Variants in COXFA4 observed in about 807,000 individuals in gnomAD.
COXFA4 encodes cytochrome c oxidase associated subunit FA4, also known as cytochrome c oxidase subunit FA4.
chr7:10,938,783 G>A, the COXFA4 span: 21 of 1,584,656 alleles, frequency 1.3e-5, no homozygotes, highest in African/African-American at 2.7e-5. Context: ...AGCTATCAAA[G>A]TTTTAAACAT....
At chr7:10,940,119 T>A in the COXFA4 span, 1 of 1,538,874 alleles carries the variant, frequency 6.5e-7, no homozygotes, top group Non-Finnish European at 9.0e-7. Context: ...GGCCCTAAGC[T>A]AAAAATTATC....
chr7:10,937,455 G>T, the COXFA4 span, among the ~76,000 whole-genome samples: 5 of 151,954 alleles, frequency 3.3e-5, no homozygotes, highest in African/African-American at 1.2e-4. Flanking sequence ...GCTAATTTTT[G>T]TATTTTTAGT....
the COXFA4 span, chr7:10,940,102 G>T: frequency 1.1e-5 from 17 of 1,593,550 alleles, no homozygotes; most frequent in Non-Finnish European, 1.4e-5. Context: ...AACCGACCTA[G>T]CCACCAGGCC....
At chr7:10,938,523 T>C in the COXFA4 span, 1 of 430,304 alleles carries the variant, frequency 2.3e-6, no homozygotes, top group Non-Finnish European at 4.2e-6. Flanking sequence ...CCGAGAACCA[T>C]GATTATTTTA....
At chr7:10,936,828 G>C in the COXFA4 span, among the ~76,000 whole-genome samples, 1 of 152,100 alleles carries the variant, frequency 6.6e-6, no homozygotes, top group East Asian at 1.9e-4. Context: ...TTGAAGCCAG[G>C]GGTTCAAGAC....
At chr7:10,933,720 G>A in the COXFA4 span, 1 of 1,562,602 alleles carries the variant, frequency 6.4e-7, no homozygotes, top group Non-Finnish European at 8.8e-7. Flanking sequence ...GATATTTTAA[G>A]TAATCTCAAA....
At chr7:10,938,791 C>G in the COXFA4 span, 3 of 1,603,064 alleles carry the variant, frequency 1.9e-6, no homozygotes, top group South Asian at 3.3e-5. Context: ...AAGTTTTAAA[C>G]ATTTTTAAGT....
At chr7:10,935,741 T>C in the COXFA4 span, among the ~76,000 whole-genome samples, 2 of 152,218 alleles carry the variant, frequency 1.3e-5, no homozygotes, top group East Asian at 1.9e-4. Flanking sequence ...GCCTCCGGAC[T>C]GAGGAATAAA....
chr7:10,939,974 G>C, the COXFA4 span: 1 of 1,610,716 alleles, frequency 6.2e-7, no homozygotes, highest in Non-Finnish European at 8.5e-7. Flanking sequence ...CCCGACGCAA[G>C]AAGGACAAGG....
chr7:10,939,397 C>T, the COXFA4 span: 2 of 180,482 alleles, frequency 1.1e-5, no homozygotes, highest in Admixed American at 5.4e-5. Flanking sequence ...GCTACCAATG[C>T]TTGCTGCGTA....
chr7:10,934,165 G>C, the COXFA4 span, among the ~76,000 whole-genome samples: 4 of 151,958 alleles, frequency 2.6e-5, no homozygotes, highest in African/African-American at 9.7e-5. Flanking sequence ...AGTAATATAA[G>C]GTACTGCTTT....
the COXFA4 span, chr7:10,939,335 A>G: frequency 5.0e-6 from 1 of 201,626 alleles, no homozygotes; most frequent in South Asian, 8.0e-5. Flanking sequence ...CTGAATAAGT[A>G]AACGTATCTA....
the COXFA4 span, chr7:10,933,735 CAG>C: frequency 7.1e-7 from 1 of 1,400,758 alleles, no homozygotes; most frequent in Non-Finnish European, 1.0e-6. Context: ...CTCAAATACA[CAG>C]AGACGGTACA....
At chr7:10,936,774 C>T in the COXFA4 span, among the ~76,000 whole-genome samples, 11 of 152,214 alleles carry the variant, frequency 7.2e-5, no homozygotes, top group South Asian at 2.1e-4. Context: ...CAGTGGCTCA[C>T]GTCTGTAATA....
At chr7:10,939,102 A>G in the COXFA4 span, 1 of 499,504 alleles carries the variant, frequency 2.0e-6, no homozygotes, top group Non-Finnish European at 3.6e-6. Flanking sequence ...TTTGGAAAGG[A>G]TGTTAAGATG....
At chr7:10,935,628 T>C in the COXFA4 span, among the ~76,000 whole-genome samples, 1 of 152,162 alleles carries the variant, frequency 6.6e-6, no homozygotes, top group East Asian at 1.9e-4. Context: ...AACTAGTGCC[T>C]TTACAGGAGG....
chr7:10,938,889 G>T, the COXFA4 span: 1 of 1,612,344 alleles, frequency 6.2e-7, no homozygotes, highest in Middle Eastern at 1.7e-4. Context: ...TACAAAGAGG[G>T]GGATCAACTA....
At chr7:10,933,474 T>C in the COXFA4 span, 4 of 575,930 alleles carry the variant, frequency 6.9e-6, no homozygotes, top group Non-Finnish European at 9.1e-6. Flanking sequence ...CAGTTATTTA[T>C]TGATTTAATC....
chr7:10,940,127 A>C, the COXFA4 span: 5 of 1,477,550 alleles, frequency 3.4e-6, no homozygotes, highest in Admixed American at 8.4e-5. Flanking sequence ...GCTAAAAATT[A>C]TCTGCAATGA....
Sources: gnomAD v4.1 joint callset for allele counts (sites outside exome capture counted in the v4.1 genomes callset) on GRCh38, gnomAD v4.1.1 for gene constraint, MANE v1.5 for transcripts, NCBI Gene and HGNC (gene_info 2026-07-23, HGNC 2026-07-21) for gene names.